CST6: variants seen among roughly 807,000 people sequenced by gnomAD.
CST6 encodes the protein cystatin-M.
CST6 carries 8 observed loss-of-function variants against 10.7 expected under a neutral mutation model. The ratio of observed to expected loss-of-function variants is 0.75; its 90% CI spans 0.44 to 1.34. The LOEUF (loss-of-function observed/expected upper bound fraction) is 1.34, where lower values mean the gene tolerates loss of function less well. CST6 is among the 40% of genes most tolerant of loss of function. The pLI is 0.01. For missense variants in CST6, 206 were observed against 205.1 expected, an observed-to-expected ratio of 1.00 and a Z score of -0.03; for synonymous variants, 100 against 89.3, an observed-to-expected ratio of 1.12 and a Z score of -0.68.
At position 66,012,913 on chromosome 11, in the gene CST6, C is replaced by A; in HGVS notation, c.328C>A (p.Leu110Ile). ...KTRVTGDHVD[L>I]TTCPLAAGAQ... ...CAGGGTCACTGGAGACCACGTCGAC[C>A]TCACCACTTGCCCCCTGGCAGCAGG... Residue 110 changes from leucine to isoleucine, a missense_variant, in exon 2 of 3, where the codon CTC (leucine) becomes ATC (isoleucine). Physicochemically the swap from Leu to Ile is conservative, Grantham distance 5. Transcript: ENST00000312134. 1.2e-6 allele frequency: 2 copies of A among 1,613,790 alleles called. No individual in the cohort carries two copies. The highest frequency in any genetic ancestry group is 1.7e-6 in the Non-Finnish European group (2 of 1,179,976).
At chr11:66,012,662 A>ACC (rs1306316798) in intron 1 of CST6, among the ~76,000 whole-genome samples, 164 bp from the exon 2 acceptor site, 16 of 11,654 alleles carry the variant, frequency 1.4e-3, no homozygotes, top group South Asian at 7.5e-3. Flanking sequence ...CCCCACCAGA[A>ACC]CTCCCCCCCC....
Position 66,012,126 on chromosome 11 carries a change from G to A in CST6, c.82G>A (p.Ala28Thr), listed in dbSNP as rs1367389668. ...CCTGGCGCTGCCACGCGACGCCCGG[G>A]CCCGGCCGCAGGAGCGCATGGTCGG... is the stretch of plus-strand genomic sequence containing the variant. ...CLLALPRDAR[A>T]RPQERMVGEL... Residue 28 changes from alanine to threonine, a missense_variant, in exon 1 of 3, where the codon GCC (alanine) becomes ACC (threonine). Transcript: ENST00000312134. The A allele has an allele frequency of 1.3e-6, 2 of 1,549,814 alleles. No homozygotes were observed. The highest frequency in any genetic ancestry group is 1.9e-5 in the Admixed American group (1 of 51,870).
At position 66,012,207 on chromosome 11, in the gene CST6, G is replaced by A; in HGVS notation, c.163G>A (p.Ala55Thr). 6.3e-7 allele frequency: 1 copy of A among 1,591,034 alleles called. No individual in the cohort carries two copies. Among genetic ancestry groups the A allele is most frequent in the Non-Finnish European group, 8.5e-7 (1 of 1,170,330 alleles). ...GCAGGTGCAGAAGGCGGCGCAGGCGGCCGTGGCCAGCTACAACATGGGCAG... is the reference window on the plus strand; with the variant it reads ...GCAGGTGCAGAAGGCGGCGCAGGCGACCGTGGCCAGCTACAACATGGGCAG... Reference protein sequence around the residue: ...DPQVQKAAQAAVASYNMGSNS... With the variant: ...DPQVQKAAQATVASYNMGSNS... Residue 55 changes from alanine to threonine, a missense_variant, in exon 1 of 3, where the codon GCC becomes ACC. Physicochemically the swap from Ala to Thr is moderately conservative, Grantham distance 58 (BLOSUM62 0). Transcript: ENST00000312134.
intron 2 of CST6, 175 bp downstream of exon 2, chr11:66,013,126 T>G (rs1856187820): frequency 1.9e-6 from 2 of 1,030,890 alleles, no homozygotes; most frequent in Non-Finnish European, 3.0e-6. Context: ...AAGCTGGGGC[T>G]TCCCTCGGGA....
chr11:66,012,086 G>A lies in CST6; in HGVS notation c.42G>A (p.Leu14=). ...TCCCGCTGGCGCTGGGCCTGGCCCT[G>A]GTCGCATTCTGCCTCCTGGCGCTGC... The part of the protein sequence containing the change: ...SNLPLALGLA[L]VAFCLLALPR... Residue 14 remains leucine, a synonymous_variant, in exon 1 of 3, where the codon CTG becomes CTA. Transcript: ENST00000312134. The A allele has an allele frequency of 6.4e-7, 1 of 1,568,698 alleles. No individual in the cohort carries two copies. Among genetic ancestry groups the A allele is most frequent in the Non-Finnish European group, 8.6e-7 (1 of 1,165,850 alleles).
chr11:66,012,182 G>A lies in CST6; in HGVS notation c.138G>A (p.Pro46=), dbSNP rs1322971863. 5.1e-6 allele frequency: 8 copies of A among 1,574,566 alleles called. No homozygotes were observed. Among genetic ancestry groups the A allele is most frequent in the Middle Eastern group, 1.8e-4 (1 of 5,474 alleles). The change falls in exon 1 of 3, where the codon CCG becomes CCA. Residue 46 remains proline, a synonymous_variant. Transcript: ENST00000312134. ...GELRDLSPDD[P]QVQKAAQAAV... ...TCCGGGACCTGTCGCCCGACGACCC[G>A]CAGGTGCAGAAGGCGGCGCAGGCGG...
rs1856175679 is a variant in CST6, at chr11:66,012,303, TGGGAG to T, written c.240+24_240+28del. The T allele has an allele frequency of 6.4e-7, 1 of 1,573,808 alleles. No individual in the cohort carries two copies. Among genetic ancestry groups the T allele is most frequent in the Non-Finnish European group, 8.7e-7 (1 of 1,156,008 alleles). ...GAGCCAGGTGCGGCGGGCGGGGTGC[TGGGAG>T]GGGACACCCGGCCCAGATGGGGGAG... On this transcript the variant is annotated intron_variant, in intron 1 of 2. Transcript: ENST00000312134.
chr11:66,012,924 C>T lies in CST6; in HGVS notation c.339C>T (p.Cys113=), dbSNP rs1856185357. ...VTGDHVDLTT[C]PLAAGAQQEK... is the part of the protein sequence containing the mutation. ...GAGACCACGTCGACCTCACCACTTG[C>T]CCCCTGGCAGCAGGGGCGCAGCAGG... The change falls in exon 2 of 3, where the codon TGC becomes TGT. Residue 113 remains cysteine (C), a synonymous_variant. Transcript: ENST00000312134. 2 of 1,613,546 alleles carry T rather than the reference C, an allele frequency of 1.2e-6. No homozygotes were observed. Among genetic ancestry groups the T allele is most frequent in the Admixed American group, 1.7e-5 (1 of 59,988 alleles).
At position 66,013,454 on chromosome 11, in the gene CST6, C is replaced by A; in HGVS notation, c.*54C>A. 1.4e-6 allele frequency: 2 copies of A among 1,410,666 alleles called. No individual in the cohort carries two copies. Among genetic ancestry groups the A allele is most frequent in the Non-Finnish European group, 1.0e-6 (1 of 994,554 alleles). The allele number at this position is 1,410,666 out of a possible 1,614,324, so 87.4% of individuals were successfully genotyped here. A position where few individuals can be genotyped will look rare whatever the true frequency, so the allele number is the denominator to read the frequency against. Reference sequence around the variant, plus strand: ...TTTGGGGCCATGGTGGAGGGCACTTCAGGTCCGTGGGCCGTATCTGTCACA... The same window carrying A: ...TTTGGGGCCATGGTGGAGGGCACTTAAGGTCCGTGGGCCGTATCTGTCACA... On this transcript the variant is annotated 3_prime_UTR_variant, in exon 3 of 3. Coordinates refer to ENST00000312134, the MANE Select transcript of CST6 (RefSeq NM_001323.4).
At position 66,012,091 on chromosome 11, in the gene CST6, C is replaced by T. The variant is rs1856172314; in HGVS notation, c.47C>T (p.Ala16Val). The T allele has an allele frequency of 1.9e-6, 3 of 1,567,078 alleles. No individual in the cohort carries two copies. In the African/African-American group the frequency reaches 4.0e-5, roughly 21 times the overall value. Residue 16 changes from alanine to valine, a missense_variant, in exon 1 of 3, where the codon GCA becomes GTA. Ala to Val is a moderately conservative substitution (Grantham distance 64, BLOSUM62 0). Coordinates refer to ENST00000312134, the MANE Select transcript of CST6 (RefSeq NM_001323.4). Reference protein sequence around the residue: ...LPLALGLALVAFCLLALPRDA... With the variant: ...LPLALGLALVVFCLLALPRDA... The stretch of plus-strand genomic sequence containing the variant: ...CTGGCGCTGGGCCTGGCCCTGGTCG[C>T]ATTCTGCCTCCTGGCGCTGCCACGC...
At chr11:66,012,651 T>G (rs1313737917) in intron 1 of CST6, among the ~76,000 whole-genome samples, 175 bp from the exon 2 acceptor site, 1 of 72,630 alleles carries the variant, frequency 1.4e-5, no homozygotes, top group Non-Finnish European at 3.0e-5. Flanking sequence ...CCACCCTCCA[T>G]CCCCACCAGA....
rs1200135882 is a variant in CST6 at position 66,012,265 on chromosome 11, T to C, written c.221T>C (p.Ile74Thr). 1.9e-6 allele frequency: 3 copies of C among 1,603,628 alleles called. No homozygotes were observed. The highest frequency in any genetic ancestry group is 2.6e-6 in the Non-Finnish European group (3 of 1,174,512). Residue 74 changes from isoleucine (I) to threonine (T), a missense_variant, in exon 1 of 3, where the codon ATC becomes ACC. Ile to Thr is a moderately conservative substitution (Grantham distance 89, BLOSUM62 -1). Coordinates refer to ENST00000312134, the MANE Select transcript of CST6 (RefSeq NM_001323.4). ...ATCTACTACTTCCGAGACACGCACA[T>C]CATCAAGGCGCAGAGCCAGGTGCGG... ...NSIYYFRDTH[I>T]IKAQSQLVAG...
At position 66,012,179 on chromosome 11, in the gene CST6, C is replaced by G. The variant is rs1349829477; in HGVS notation, c.135C>G (p.Asp45Glu). 7 of 1,572,588 alleles carry G rather than the reference C, an allele frequency of 4.5e-6. No homozygotes were observed. The highest frequency in any genetic ancestry group is 3.7e-5 in the Admixed American group (2 of 53,490). Residue 45 changes from aspartate (D) to glutamate (E), a missense_variant, in exon 1 of 3, where the codon GAC becomes GAG. Coordinates refer to ENST00000312134, the MANE Select transcript of CST6 (RefSeq NM_001323.4). ...AACTCCGGGACCTGTCGCCCGACGA[C>G]CCGCAGGTGCAGAAGGCGGCGCAGG... The part of the protein sequence containing the change: ...VGELRDLSPD[D>E]PQVQKAAQAA...
At chr11:66,013,014 C>T in intron 2 of CST6, 63 bp downstream of exon 2, 5 of 1,592,226 alleles carry the variant, frequency 3.1e-6, no homozygotes, top group Non-Finnish European at 4.3e-6. Flanking sequence ...GGTTGTCCAT[C>T]CTGAACTGGT....
At position 66,012,239 on chromosome 11, in the gene CST6, C is replaced by T. The variant is rs781432240; in HGVS notation, c.195C>T (p.Ser65=). Residue 65 remains serine, a synonymous_variant, in exon 1 of 3, where the codon AGC becomes AGT. Coordinates refer to ENST00000312134, the MANE Select transcript of CST6 (RefSeq NM_001323.4). ...AVASYNMGSN[S]IYYFRDTHII... ...CCAGCTACAACATGGGCAGCAACAG[C>T]ATCTACTACTTCCGAGACACGCACA... is the stretch of plus-strand genomic sequence containing the variant. 1.2e-6 allele frequency: 2 copies of T among 1,606,992 alleles called. No homozygotes were observed. Among genetic ancestry groups the T allele is most frequent in the Non-Finnish European group, 1.7e-6 (2 of 1,177,502 alleles).
chr11:66,012,673 C>CCA (rs1856180795), intron 1 of CST6, among the ~76,000 whole-genome samples, 153 bp from the exon 2 acceptor site: 1 of 20,764 alleles, frequency 4.8e-5, no homozygotes, highest in African/African-American at 1.7e-4. Context: ...CTCCCCCCCC[C>CCA]ACCCCCCCCC....
intron 1 of CST6, among the ~76,000 whole-genome samples, chr11:66,012,490 C>A (rs12223658): frequency 6.6e-6 from 1 of 152,190 alleles, no homozygotes; most frequent in Non-Finnish European, 1.5e-5. Flanking sequence ...TATTGCACTA[C>A]CTGCCTTCCT....
Position 66,012,244 on chromosome 11 carries a change from A to G in CST6, c.200A>G (p.Tyr67Cys). 5 of 1,607,362 alleles carry G rather than the reference A, an allele frequency of 3.1e-6. No homozygotes were observed. Among genetic ancestry groups the G allele is most frequent in the Non-Finnish European group, 2.5e-6 (3 of 1,177,530 alleles). ...ASYNMGSNSI[Y>C]YFRDTHIIKA... ...TACAACATGGGCAGCAACAGCATCT[A>G]CTACTTCCGAGACACGCACATCATC... is the stretch of plus-strand genomic sequence containing the variant. The change falls in exon 1 of 3, where the codon TAC becomes TGC. Residue 67 changes from tyrosine to cysteine, a missense_variant. Tyr to Cys is a radical substitution (Grantham distance 194). Coordinates refer to ENST00000312134, the MANE Select transcript of CST6 (RefSeq NM_001323.4).
At chr11:66,012,413 G>C (rs1856177106) in intron 1 of CST6, 129 bp downstream of exon 1, 1 of 1,212,852 alleles carries the variant, frequency 8.2e-7, no homozygotes, top group Admixed American at 2.8e-5. Context: ...TTTAAAAATC[G>C]AATTAATGCT....
Sources: gnomAD v4.1 joint callset for allele counts (sites outside exome capture counted in the v4.1 genomes callset) on GRCh38, gnomAD v4.1.1 for gene constraint, MANE v1.5 for transcripts, NCBI Gene and HGNC (gene_info 2026-07-23, HGNC 2026-07-21) for gene names.